The following CNTN4 variants were observed in gnomAD, a reference collection of about 807,000 sequenced individuals.
CNTN4 encodes the protein contactin 4.
In CNTN4, 77 loss-of-function variants were observed where a neutral mutation model predicts 122.5. The ratio of observed to expected loss-of-function variants is 0.63; its 90% confidence interval spans 0.52 to 0.76. The LOEUF is 0.76. Ranked by LOEUF, CNTN4 falls within the 30% of genes least tolerant of loss-of-function variation. CNTN4 has a pLI of 0.00. For synonymous variants in CNTN4, 512 were observed against 447.0 expected (o/e 1.15, Z -1.83); for missense variants, 1,256 against 1,259.1 (o/e 1.00, Z 0.04).
intron 3 of CNTN4, among the ~76,000 whole-genome samples, chr3:2,564,036 G>A (rs550863615): frequency 2.0e-5 from 3 of 152,218 alleles, no homozygotes; most frequent in South Asian, 2.1e-4. Flanking sequence ...GTGTATTCCT[G>A]TCTGTCATTG....
At chr3:3,008,458 T>C (rs1696863553) in intron 14 of CNTN4, among the ~76,000 whole-genome samples, 1 of 152,210 alleles carries the variant, frequency 6.6e-6, no homozygotes, top group South Asian at 2.1e-4. Flanking sequence ...CTGTAAAGGT[T>C]GACAACATCC....
At chr3:2,868,403 C>G (rs9844019) in intron 8 of CNTN4, among the ~76,000 whole-genome samples, 52,455 of 152,056 alleles carry the variant, frequency 0.34, 9,526 homozygotes, top group South Asian at 0.43. Context: ...CACCTCTTAT[C>G]TGAATTTATA....
At chr3:2,761,724 G>A (rs979663928) in intron 6 of CNTN4, among the ~76,000 whole-genome samples, 4 of 152,062 alleles carry the variant, frequency 2.6e-5, no homozygotes, top group African/African-American at 9.7e-5. Flanking sequence ...AACACAGTTG[G>A]CAGTTGTTCT....
intron 2 of CNTN4, among the ~76,000 whole-genome samples, chr3:2,172,514 G>A (rs868106238): frequency 1.3e-5 from 2 of 152,144 alleles, no homozygotes; most frequent in Middle Eastern, 3.4e-3. Context: ...ACTTATCCAC[G>A]TAACCAAAAA....
At chr3:2,484,536 G>T (rs986038180) in intron 3 of CNTN4, among the ~76,000 whole-genome samples, 13 of 152,148 alleles carry the variant, frequency 8.5e-5, no homozygotes, top group African/African-American at 2.9e-4. Context: ...GGAAATACTG[G>T]CTCCTATAGG....
chr3:2,361,683 T>G (rs1014549725), intron 3 of CNTN4, among the ~76,000 whole-genome samples: 19 of 152,214 alleles, frequency 1.2e-4, no homozygotes, highest in African/African-American at 4.6e-4. Context: ...ATTTTACTTT[T>G]ATAAAATAAA....
At chr3:2,197,068 A>AAAAAAG (rs1559333924) in intron 2 of CNTN4, among the ~76,000 whole-genome samples, 3 of 139,782 alleles carry the variant, frequency 2.1e-5, no homozygotes, top group Non-Finnish European at 4.5e-5. Flanking sequence ...AAAAAAAAAA[A>AAAAAAG]AAGAAGAAGA....
chr3:2,406,650 CT>C (rs1395879228), intron 3 of CNTN4, among the ~76,000 whole-genome samples: 1 of 152,044 alleles, frequency 6.6e-6, no homozygotes, highest in Middle Eastern at 3.2e-3. Flanking sequence ...CATTAAATAG[CT>C]TTGTAATATT....
At chr3:2,440,326 A>G (rs1337436340) in intron 3 of CNTN4, among the ~76,000 whole-genome samples, 15 of 152,168 alleles carry the variant, frequency 9.9e-5, no homozygotes. Context: ...AGTCACACTG[A>G]CCTCAGATCC....
chr3:2,489,018 C>T, intron 3 of CNTN4, among the ~76,000 whole-genome samples: 1 of 152,144 alleles, frequency 6.6e-6, no homozygotes, highest in East Asian at 1.9e-4. Flanking sequence ...TGCTTTCCAT[C>T]AGATATTTTT....
chr3:2,377,203 G>C (rs1219246629), intron 3 of CNTN4, among the ~76,000 whole-genome samples: 3 of 151,504 alleles, frequency 2.0e-5, no homozygotes, highest in Non-Finnish European at 4.4e-5. Context: ...TTCATTCCAA[G>C]TTTTTAGATA....
intron 3 of CNTN4, among the ~76,000 whole-genome samples, chr3:2,491,035 C>T (rs578155700): frequency 2.0e-5 from 3 of 152,170 alleles, no homozygotes; most frequent in East Asian, 1.9e-4. Flanking sequence ...TCAGTCTTTC[C>T]AGGAGGGTAG....
chr3:3,016,625 G>C (rs1447643083), intron 14 of CNTN4, among the ~76,000 whole-genome samples: 2 of 152,178 alleles, frequency 1.3e-5, no homozygotes, highest in Non-Finnish European at 2.9e-5. Context: ...AGGCAACCAA[G>C]AGCATTCGAG....
intron 3 of CNTN4, among the ~76,000 whole-genome samples, chr3:2,377,923 A>G (rs566574590): frequency 3.9e-5 from 6 of 152,328 alleles, no homozygotes; most frequent in South Asian, 4.1e-4. Flanking sequence ...TAAAATACCA[A>G]TGTAAAGATT....
intron 4 of CNTN4, among the ~76,000 whole-genome samples, chr3:2,696,678 A>G (rs1268224304): frequency 6.6e-6 from 1 of 152,218 alleles, no homozygotes; most frequent in African/African-American, 2.4e-5. Flanking sequence ...CTGAGACAGT[A>G]TAGTTATAAA....
chr3:2,229,554 A>G lies in CNTN4; in HGVS notation c.-144-109624A>G, dbSNP rs932795398. On this transcript the variant is annotated intron_variant, in intron 2 of 24. Transcript: ENST00000418658. The stretch of plus-strand genomic sequence containing the variant: ...TATAGTTACGTAAGTATTTGAAAAT[A>G]TCTAATCTAAGACTTCCTTAGATAT... Among the ~76,000 whole-genome samples, 8 of 152,318 alleles carry G rather than the reference A, an allele frequency of 5.3e-5. No homozygotes were observed. In the East Asian group the frequency reaches 1.4e-3, roughly 26 times the overall value.
chr3:2,755,909 C>A (rs971782017), intron 6 of CNTN4, among the ~76,000 whole-genome samples: 1 of 152,128 alleles, frequency 6.6e-6, no homozygotes, highest in Non-Finnish European at 1.5e-5. Flanking sequence ...TAAAATATCA[C>A]TCCTTTTTGT....
chr3:2,185,812 CTG>C (rs1378611107), intron 2 of CNTN4, among the ~76,000 whole-genome samples: 3 of 152,148 alleles, frequency 2.0e-5, no homozygotes, highest in Non-Finnish European at 1.5e-5. Flanking sequence ...AATTAGTTCT[CTG>C]TGTGCTTAAT....
intron 4 of CNTN4, among the ~76,000 whole-genome samples, chr3:2,658,604 C>T (rs1412775088): frequency 6.6e-6 from 1 of 152,132 alleles, no homozygotes; most frequent in Non-Finnish European, 1.5e-5. Flanking sequence ...ATCATCCTTC[C>T]CATTTCCTTA....
Sources: allele counts gnomAD v4.1 joint callset (sites outside exome capture counted in the v4.1 genomes callset), GRCh38; gene constraint gnomAD v4.1.1; transcripts MANE v1.5; gene names NCBI Gene and HGNC (gene_info 2026-07-23, HGNC 2026-07-21).